WDR41: variants seen among roughly 807,000 people sequenced by gnomAD.
WDR41 encodes the protein WD repeat domain 41, also known as WD repeat-containing protein 41.
WDR41 carries 63 observed loss-of-function variants against 69.3 expected under a neutral mutation model. The observed-to-expected ratio is 0.91, with a 90% CI of 0.74 to 1.12. The LOEUF (loss-of-function observed/expected upper bound fraction) is 1.12, where lower values mean the gene tolerates loss of function less well. Ranked by LOEUF, WDR41 falls within the 50% of genes most tolerant of loss-of-function variation. The pLI is 0.00. For missense variants in WDR41, 543 were observed against 534.5 expected, an observed-to-expected ratio of 1.02 and a Z score of -0.16; for synonymous variants, 185 against 192.1, an observed-to-expected ratio of 0.96 and a Z score of 0.31.
intron 1 of WDR41, among the ~76,000 whole-genome samples, chr5:77,504,147 A>G (rs1316024236): frequency 6.6e-6 from 1 of 152,142 alleles, no homozygotes; most frequent in East Asian, 1.9e-4. Context: ...AATAAAGAAA[A>G]AAAAAAGAGA....
intron 2 of WDR41, among the ~76,000 whole-genome samples, chr5:77,471,436 C>A (rs908313971): frequency 8.5e-5 from 13 of 152,054 alleles, no homozygotes; most frequent in Non-Finnish European, 1.9e-4. Context: ...CAGAGCAGAA[C>A]TGAAGGAAAT....
chr5:77,598,644 C>CTTTTTTTTT (rs765785617), intron 1 of WDR41, among the ~76,000 whole-genome samples: 3 of 121,354 alleles, frequency 2.5e-5, no homozygotes, highest in Non-Finnish European at 3.5e-5. Context: ...AGTAAGTTTC[C>CTTTTTTTTT]TTTTTTTTTT....
At chr5:77,459,040 T>C in intron 5 of WDR41, 22 bp downstream of exon 5, 2 of 1,536,598 alleles carry the variant, frequency 1.3e-6, no homozygotes, top group Non-Finnish European at 1.8e-6. Context: ...TCATAAAAAC[T>C]CATATTTACT....
Position 77,431,285 on chromosome 5 carries a change from C to A in WDR41, c.*1850G>T. The A allele has an allele frequency of 6.6e-6, 1 of 152,612 alleles. No homozygotes were observed. Among genetic ancestry groups the A allele is most frequent in the South Asian group, 2.0e-4 (1 of 5,114 alleles). 9.5% of individuals were successfully genotyped at this position (152,612 alleles called of 1,614,324 possible). ...AGCCACCCCAACCTTCAGTAACCAC[C>A]TTAGTCAACAGCCAGCAGTATCAAG... On this transcript the variant is annotated 3_prime_UTR_variant, in exon 13 of 13. Transcript: ENST00000296679.
chr5:77,537,902 A>G (rs1270570543), intron 1 of WDR41, among the ~76,000 whole-genome samples: 1 of 152,224 alleles, frequency 6.6e-6, no homozygotes. Flanking sequence ...GAATAGACGA[A>G]AATATATATG....
intron 3 of WDR41, among the ~76,000 whole-genome samples, chr5:77,464,501 C>T (rs1800210945): frequency 3.3e-5 from 5 of 151,830 alleles, no homozygotes; most frequent in Admixed American, 3.3e-4. Flanking sequence ...TTCGCCTTGG[C>T]CTCCCAAAGT....
intron 1 of WDR41, among the ~76,000 whole-genome samples, chr5:77,530,194 G>A (rs1044722003): frequency 1.3e-5 from 2 of 151,560 alleles, no homozygotes; most frequent in Non-Finnish European, 3.0e-5. Flanking sequence ...CAAGAATGTA[G>A]AGCAAACAAA....
chr5:77,468,365 T>TA (rs1800398973), intron 2 of WDR41, among the ~76,000 whole-genome samples: 2 of 152,146 alleles, frequency 1.3e-5, no homozygotes, highest in Admixed American at 1.3e-4. Flanking sequence ...CATGAGTCCT[T>TA]AGAGAATTCT....
intron 1 of WDR41, among the ~76,000 whole-genome samples, chr5:77,490,244 G>A (rs1481055710): frequency 6.6e-6 from 1 of 152,140 alleles, no homozygotes; most frequent in Non-Finnish European, 1.5e-5. Flanking sequence ...GATTACAGGA[G>A]TAAGCCACCG....
intron 1 of WDR41, among the ~76,000 whole-genome samples, chr5:77,502,297 A>G (rs1159856807): frequency 6.6e-6 from 1 of 152,190 alleles, no homozygotes; most frequent in African/African-American, 2.4e-5. Context: ...TTAATGAAAT[A>G]AAGTGAGAAG....
intron 1 of WDR41, among the ~76,000 whole-genome samples, chr5:77,558,120 A>AAAAAAAAAAAAAAG (rs1743447828): frequency 6.6e-6 from 1 of 150,642 alleles, no homozygotes; most frequent in African/African-American, 2.4e-5. Flanking sequence ...AAAAAAACAA[A>AAAAAAAAAAAAAAG]ACAGGAGTAG....
chr5:77,523,784 A>G (rs1473303183), intron 1 of WDR41, among the ~76,000 whole-genome samples: 1 of 152,228 alleles, frequency 6.6e-6, no homozygotes, highest in African/African-American at 2.4e-5. Flanking sequence ...TGAGAGTTCA[A>G]TAAGACAATT....
Position 77,584,859 on chromosome 5 carries a change from C to T in WDR41, c.42+35620G>A, listed in dbSNP as rs1418236675. On this transcript the variant is annotated intron_variant, in intron 1 of 5. Transcript: ENST00000509971. ...AAGGACTTAAACTTAAGACCTGAAA[C>T]TATAAAAATTCTAGATGATAACATT... Among the ~76,000 whole-genome samples the T allele has an allele frequency of 2.6e-5, 4 of 152,120 alleles. No homozygotes were observed. In the South Asian group the frequency reaches 8.3e-4, roughly 32 times the overall value.
At chr5:77,530,914 A>G (rs1802519083) in intron 1 of WDR41, among the ~76,000 whole-genome samples, 2 of 151,812 alleles carry the variant, frequency 1.3e-5, no homozygotes, top group African/African-American at 4.8e-5. Context: ...TTAAATGTTA[A>G]TGGTACAAGA....
In WDR41 at chr5:77,478,547, T is replaced by G. The variant is rs922160052; in HGVS notation, c.167+10910A>C. On this transcript the variant is annotated intron_variant, in intron 2 of 12. Transcript: ENST00000296679. The stretch of plus-strand genomic sequence containing the variant: ...TACGCAAATCAATAAATGTAATCCA[T>G]CATATAAACAGAACCAAAGACAAAA... 1.7e-3 allele frequency among the ~76,000 whole-genome samples: 254 copies of G among 152,164 alleles called. 1 individual carries two copies. The highest frequency in any genetic ancestry group is 5.3e-3 in the African/African-American group (218 of 41,492).
rs563781013 is a variant in WDR41 at position 77,475,124 on chromosome 5, C to T, written c.168-10315G>A. Among the ~76,000 whole-genome samples the T allele has an allele frequency of 5.9e-5, 9 of 152,338 alleles. No individual in the cohort carries two copies. In the South Asian group the frequency reaches 1.2e-3, roughly 21 times the overall value. On this transcript the variant is annotated intron_variant, in intron 2 of 12. Transcript: ENST00000296679. ...CTTTTCCGACGGGCTTAAAAAACGG[C>T]GCACCAGGAGATTATATCCTGCACC...
chr5:77,565,555 G>T (rs1431497464), intron 1 of WDR41, among the ~76,000 whole-genome samples: 1 of 152,082 alleles, frequency 6.6e-6, no homozygotes, highest in Non-Finnish European at 1.5e-5. Flanking sequence ...ATTTAGATTT[G>T]AATGACATAT....
In WDR41 at chr5:77,601,134, TA is replaced by T. The variant is rs546926075; in HGVS notation, c.42+19344del. On this transcript the variant is annotated intron_variant, in intron 1 of 5. Transcript: ENST00000509971. ...AACCAAAGGAATTATAACTGAAGGCTAAAATTGAAACATGAAACTAATAAAA... is the reference window on the plus strand; with the variant it reads ...AACCAAAGGAATTATAACTGAAGGCTAAATTGAAACATGAAACTAATAAAA... Among the ~76,000 whole-genome samples the T allele has an allele frequency of 3.6e-3, 555 of 152,294 alleles. 3 individuals are homozygous for T. The highest frequency in any genetic ancestry group is 6.3e-3 in the Non-Finnish European group (428 of 68,016).
At chr5:77,569,222 A>G (rs1261918246) in intron 1 of WDR41, among the ~76,000 whole-genome samples, 1 of 152,202 alleles carries the variant, frequency 6.6e-6, no homozygotes, top group African/African-American at 2.4e-5. Context: ...AACTTACTTC[A>G]TCTTTCAAGG....
Sources: allele counts gnomAD v4.1 joint callset (sites outside exome capture counted in the v4.1 genomes callset), GRCh38; gene constraint gnomAD v4.1.1; transcripts MANE v1.5; gene names NCBI Gene and HGNC (gene_info 2026-07-23, HGNC 2026-07-21).